AGBL4: variants seen among roughly 807,000 people sequenced by gnomAD.
AGBL4 encodes the protein AGBL carboxypeptidase 4.
In AGBL4, 58 loss-of-function variants were observed where a neutral mutation model predicts 66.4. The ratio of observed to expected loss-of-function variants is 0.87; its 90% CI spans 0.71 to 1.09. The LOEUF is 1.09. Among genes scored for constraint, AGBL4 ranks in the 50% least tolerant of loss-of-function variants. The pLI is 0.00. For missense variants in AGBL4, 579 were observed against 631.0 expected, an observed-to-expected ratio of 0.92 and a Z score of 0.88; for synonymous variants, 234 against 222.9, an observed-to-expected ratio of 1.05 and a Z score of -0.44.
chr1:49,739,263 A>T (rs4456138), intron 2 of AGBL4, among the ~76,000 whole-genome samples: 2 of 152,182 alleles, frequency 1.3e-5, no homozygotes, highest in African/African-American at 4.8e-5. Flanking sequence ...GGAATGCACA[A>T]GCCTCAGTAG....
intron 3 of AGBL4, among the ~76,000 whole-genome samples, chr1:49,321,684 A>G (rs546389032): frequency 1.4e-4 from 21 of 152,230 alleles, no homozygotes; most frequent in Non-Finnish European, 2.9e-4. Flanking sequence ...TTCAATGTCC[A>G]TCCATAGGAG....
chr1:48,967,386 A>G (rs1427798503), intron 5 of AGBL4, among the ~76,000 whole-genome samples: 1 of 152,134 alleles, frequency 6.6e-6, no homozygotes, highest in Non-Finnish European at 1.5e-5. Flanking sequence ...ACTCAAATCA[A>G]TGAATATTTA....
chr1:49,545,101 C>A (rs1209893178), intron 3 of AGBL4, among the ~76,000 whole-genome samples: 2 of 152,256 alleles, frequency 1.3e-5, no homozygotes, highest in African/African-American at 4.8e-5. Context: ...AAACCTGTGA[C>A]TTGTTTCTAA....
chr1:49,186,107 T>C (rs1358117321), intron 4 of AGBL4, among the ~76,000 whole-genome samples: 6 of 152,168 alleles, frequency 3.9e-5, no homozygotes, highest in African/African-American at 9.6e-5. Flanking sequence ...ATTCATCTTA[T>C]GTCTTTTCTC....
intron 3 of AGBL4, among the ~76,000 whole-genome samples, chr1:49,265,284 G>T (rs1643892596): frequency 6.6e-6 from 1 of 152,140 alleles, no homozygotes; most frequent in East Asian, 1.9e-4. Context: ...AAAGCTCTTT[G>T]GAGTACGTCT....
intron 3 of AGBL4, among the ~76,000 whole-genome samples, chr1:49,378,515 G>A (rs1644520004): frequency 6.6e-6 from 1 of 152,036 alleles, no homozygotes; most frequent in African/African-American, 2.4e-5. Context: ...GAACCCTGGT[G>A]AGAGGGAGCA....
chr1:48,834,723 G>C lies in AGBL4; in HGVS notation c.634+32468C>G, dbSNP rs115381220. ...TTGTTGTTTAAGCCACTAAGTCTAT[G>C]GCATTTTGTTATAACAGGTTGAGCA... On this transcript the variant is annotated intron_variant, in intron 6 of 13. Transcript: ENST00000371839. 6.3e-3 allele frequency among the ~76,000 whole-genome samples: 956 copies of C among 152,248 alleles called. 8 individuals carry two copies. Among genetic ancestry groups the C allele is most frequent in the African/African-American group, 0.021 (884 of 41,534 alleles).
chr1:49,257,935 C>A (rs1652699541), intron 3 of AGBL4, among the ~76,000 whole-genome samples: 1 of 152,198 alleles, frequency 6.6e-6, no homozygotes, highest in Admixed American at 6.5e-5. Flanking sequence ...ACTGACACCT[C>A]ACACGGCTGG....
In AGBL4 at chr1:49,639,360, C is replaced by T. The variant is rs569518166; in HGVS notation, c.282+57953G>A. ...ATTATGTGTGTGGCACTATTATACACACTTGATACATATTAAATCCTCATA... is the reference window on the plus strand; with the variant it reads ...ATTATGTGTGTGGCACTATTATACATACTTGATACATATTAAATCCTCATA... On this transcript the variant is annotated intron_variant, in intron 3 of 13. Transcript: ENST00000371839. Among the ~76,000 whole-genome samples, 59 of 152,304 alleles carry T rather than the reference C, an allele frequency of 3.9e-4. 2 individuals are homozygous for T. The South Asian group carries it at 0.012, about 31-fold the overall frequency.
At position 49,439,555 on chromosome 1, in the gene AGBL4, T is replaced by C. The variant is rs373394403; in HGVS notation, c.283-193691A>G. Among the ~76,000 whole-genome samples, 11 of 152,298 alleles carry C rather than the reference T, an allele frequency of 7.2e-5. No individual in the cohort carries two copies. The East Asian group carries it at 1.9e-3, about 27-fold the overall frequency. On this transcript the variant is annotated intron_variant, in intron 3 of 13. Coordinates refer to ENST00000371839, the MANE Select transcript of AGBL4 (RefSeq NM_032785.4). ...CTTGATTAGATTGAAGGATGCGAAGTACCGATCCTGGGTGTGTCTGTGAGG... is the reference window on the plus strand; with the variant it reads ...CTTGATTAGATTGAAGGATGCGAAGCACCGATCCTGGGTGTGTCTGTGAGG...
At chr1:48,595,777 C>T (rs1644985724) in intron 9 of AGBL4, among the ~76,000 whole-genome samples, 1 of 152,206 alleles carries the variant, frequency 6.6e-6, no homozygotes, top group Non-Finnish European at 1.5e-5. Context: ...TTCTGAGCTG[C>T]TACCCTGCTT....
At chr1:49,218,731 C>T (rs1649268623) in intron 4 of AGBL4, among the ~76,000 whole-genome samples, 1 of 152,098 alleles carries the variant, frequency 6.6e-6, no homozygotes, top group African/African-American at 2.4e-5. Flanking sequence ...TTGGCTATGT[C>T]CCCACCCAAA....
At chr1:49,510,358 T>G (rs1352479158) in intron 3 of AGBL4, among the ~76,000 whole-genome samples, 1 of 151,596 alleles carries the variant, frequency 6.6e-6, no homozygotes, top group Non-Finnish European at 1.5e-5. Context: ...TTTTCATGTG[T>G]TTTTTGGCTG....
chr1:48,888,685 T>C (rs548732767), intron 5 of AGBL4, among the ~76,000 whole-genome samples: 2 of 143,448 alleles, frequency 1.4e-5, no homozygotes, highest in South Asian at 2.4e-4. Flanking sequence ...ATTTTCATTA[T>C]AAATACCAGG....
intron 1 of AGBL4, among the ~76,000 whole-genome samples, chr1:50,022,613 A>G (rs534625008): frequency 2.1e-3 from 182 of 88,764 alleles, no homozygotes; most frequent in African/African-American, 7.9e-3. Flanking sequence ...ATGTACCATA[A>G]CCACACACAC....
intron 4 of AGBL4, among the ~76,000 whole-genome samples, chr1:49,086,423 G>A (rs1168602319): frequency 6.6e-6 from 1 of 152,032 alleles, no homozygotes; most frequent in Non-Finnish European, 1.5e-5. Context: ...TGGTAGCCAG[G>A]TGGGCAATGT....
intron 3 of AGBL4, among the ~76,000 whole-genome samples, chr1:49,659,318 A>C (rs2124484230): frequency 6.6e-6 from 1 of 152,322 alleles, no homozygotes; most frequent in South Asian, 2.1e-4. Context: ...TAATAATATT[A>C]ACCTTAAATG....
At chr1:49,964,216 A>G (rs1657364181) in intron 1 of AGBL4, among the ~76,000 whole-genome samples, 4 of 152,162 alleles carry the variant, frequency 2.6e-5, no homozygotes, top group Admixed American at 2.6e-4. Context: ...AATGGTGAAG[A>G]ATGGAAACAT....
At chr1:49,562,787 T>C (rs1241411180) in intron 3 of AGBL4, among the ~76,000 whole-genome samples, 1 of 152,152 alleles carries the variant, frequency 6.6e-6, no homozygotes, top group Non-Finnish European at 1.5e-5. Flanking sequence ...GACTTGGCAA[T>C]GTGGGCTCTT....
Sources: allele counts gnomAD v4.1 joint callset (sites outside exome capture counted in the v4.1 genomes callset), GRCh38; gene constraint gnomAD v4.1.1; transcripts MANE v1.5; gene names NCBI Gene and HGNC (gene_info 2026-07-23, HGNC 2026-07-21).